The following SLAIN2 variants were observed in gnomAD, a reference collection of about 807,000 sequenced individuals.
SLAIN2 encodes SLAIN motif-containing protein 2.
Under a neutral mutation model 56.6 loss-of-function variants are expected in SLAIN2, and 31 were observed. The observed-to-expected ratio is 0.55, with a 90% CI of 0.41 to 0.74. The LOEUF is 0.74. Ranked by LOEUF, SLAIN2 falls within the 30% of genes least tolerant of loss-of-function variation. The probability of loss-of-function intolerance (pLI) is 0.00; values close to 1 mark genes in which losing one functional copy is unlikely to be tolerated. For missense variants in SLAIN2, 777 were observed against 754.2 expected (o/e 1.03, Z -0.35); for synonymous variants, 317 against 284.9 (o/e 1.11, Z -1.13).
At chr4:48,379,666 T>G in intron 3 of SLAIN2, 24 bp from the exon 4 acceptor site, 1 of 1,386,660 alleles carries the variant, frequency 7.2e-7, no homozygotes, top group South Asian at 2.0e-5. Context: ...AGAGTTTGAA[T>G]TTTTTTCTTT....
At chr4:48,401,091 T>G (rs1230026489) in intron 6 of SLAIN2, among the ~76,000 whole-genome samples, 1 of 152,190 alleles carries the variant, frequency 6.6e-6, no homozygotes, top group Non-Finnish European at 1.5e-5. Context: ...TTCCATGTAG[T>G]TGTGTGGTTT....
At chr4:48,416,409 T>G in intron 6 of SLAIN2, among the ~76,000 whole-genome samples, 1 of 122,364 alleles carries the variant, frequency 8.2e-6, no homozygotes, top group Non-Finnish European at 1.7e-5. Flanking sequence ...TACATTGATT[T>G]TGTATCCTGA....
In SLAIN2 at chr4:48,414,702, T is replaced by G. The variant is rs1374125719; in HGVS notation, c.1361-5423T>G. Among the ~76,000 whole-genome samples, 3 of 107,236 alleles carry G rather than the reference T, an allele frequency of 2.8e-5. No homozygotes were observed. The Admixed American group carries it at 3.0e-4, about 11-fold the overall frequency. The allele number at this position is 107,236 out of a possible 152,430, so 70.4% of individuals were successfully genotyped here. On this transcript the variant is annotated intron_variant, in intron 6 of 7. Coordinates refer to ENST00000264313, the MANE Select transcript of SLAIN2 (RefSeq NM_020846.2). ...TAGGTATATCTCCCAATGCTATCCCTCCCCCCTCCCCCGACCCCACCACAG... is the reference window on the plus strand; with the variant it reads ...TAGGTATATCTCCCAATGCTATCCCGCCCCCCTCCCCCGACCCCACCACAG...
intron 6 of SLAIN2, among the ~76,000 whole-genome samples, chr4:48,407,872 CT>C (rs1716741163): frequency 6.6e-6 from 1 of 152,204 alleles, no homozygotes; most frequent in African/African-American, 2.4e-5. Flanking sequence ...CTTCCAGCCC[CT>C]GGCACCCACT....
intron 6 of SLAIN2, chr4:48,394,562 T>G (rs1408662979): frequency 6.5e-7 from 1 of 1,535,016 alleles, no homozygotes; most frequent in Non-Finnish European, 8.7e-7. Flanking sequence ...TTACAGTTCC[T>G]TATTTTTCAA....
At chr4:48,345,042 T>C (rs1448520865) in intron 1 of SLAIN2, among the ~76,000 whole-genome samples, 1 of 152,212 alleles carries the variant, frequency 6.6e-6, no homozygotes, top group East Asian at 1.9e-4. Context: ...CCTCTAATTT[T>C]ATACATTTAT....
chr4:48,384,241 C>T (rs1716044182), intron 6 of SLAIN2, among the ~76,000 whole-genome samples: 1 of 152,100 alleles, frequency 6.6e-6, no homozygotes, highest in African/African-American at 2.4e-5. Flanking sequence ...ATTGTTCAAA[C>T]CTGCAATATA....
intron 1 of SLAIN2, among the ~76,000 whole-genome samples, chr4:48,345,465 C>T (rs1171833350): frequency 6.6e-6 from 1 of 151,970 alleles, no homozygotes; most frequent in Non-Finnish European, 1.5e-5. Flanking sequence ...GATATTTGGT[C>T]AGATGGAGAG....
intron 1 of SLAIN2, among the ~76,000 whole-genome samples, chr4:48,364,055 C>T (rs1249429208): frequency 5.8e-5 from 5 of 86,278 alleles, no homozygotes; most frequent in South Asian, 5.8e-4. Flanking sequence ...GGCTGCCGGG[C>T]GGAGAGGCTC....
intron 6 of SLAIN2, among the ~76,000 whole-genome samples, chr4:48,395,942 A>G (rs762041591): frequency 3.3e-4 from 50 of 151,734 alleles, no homozygotes; most frequent in Admixed American, 3.9e-4. Context: ...CTATACCATA[A>G]TAAAAGAGTA....
intron 6 of SLAIN2, among the ~76,000 whole-genome samples, chr4:48,419,034 G>C (rs1717075211): frequency 6.6e-6 from 1 of 151,734 alleles, no homozygotes; most frequent in Admixed American, 6.6e-5. Flanking sequence ...ATGGACATTT[G>C]AGCTTTTTTC....
At chr4:48,372,025 C>CAT (rs1715682720) in intron 2 of SLAIN2, among the ~76,000 whole-genome samples, 1 of 146,660 alleles carries the variant, frequency 6.8e-6, no homozygotes, top group African/African-American at 2.6e-5. Flanking sequence ...TACATATATA[C>CAT]ACATATATAT....
intron 6 of SLAIN2, 73 bp downstream of exon 6, chr4:48,383,857 G>A (rs377667950): frequency 6.7e-7 from 1 of 1,484,686 alleles, no homozygotes; most frequent in African/African-American, 1.4e-5. Context: ...TTTGTTTTAT[G>A]CTGAAAAACC....
At chr4:48,409,012 A>C (rs1294742167) in intron 6 of SLAIN2, among the ~76,000 whole-genome samples, 4 of 152,176 alleles carry the variant, frequency 2.6e-5, no homozygotes, top group Admixed American at 2.6e-4. Context: ...AGCATGCTGT[A>C]TTGGTTTGTA....
chr4:48,364,878 G>T (rs1441197932), intron 1 of SLAIN2, among the ~76,000 whole-genome samples: 1 of 131,264 alleles, frequency 7.6e-6, no homozygotes, highest in Non-Finnish European at 1.7e-5. Context: ...GGGAGAGGGA[G>T]GGGGAGGGGG....
intron 6 of SLAIN2, among the ~76,000 whole-genome samples, chr4:48,394,877 A>G (rs1441227219): frequency 6.6e-6 from 1 of 152,230 alleles, no homozygotes; most frequent in Non-Finnish European, 1.5e-5. Context: ...TAAATGATAT[A>G]TAGAGAATAT....
At position 48,341,619 on chromosome 4, in the gene SLAIN2, T is replaced by C; in HGVS notation, c.-121T>C. 1 of 1,403,256 alleles carries C rather than the reference T, an allele frequency of 7.1e-7. No homozygotes were observed. Among genetic ancestry groups the C allele is most frequent in the Non-Finnish European group, 9.3e-7 (1 of 1,071,218 alleles). The allele number at this position is 1,403,256 out of a possible 1,614,324, so 86.9% of individuals were successfully genotyped here. A position where few individuals can be genotyped will look rare whatever the true frequency, so the allele number is the denominator to read the frequency against. ...GGGGGACCCTGGCGGTGGGGCCTGG[T>C]CCTGCTATATGCCGGCGCCTCGGCT... On this transcript the variant is annotated 5_prime_UTR_variant, in exon 1 of 8. Transcript: ENST00000264313.
At chr4:48,409,597 C>T (rs1253559534) in intron 6 of SLAIN2, among the ~76,000 whole-genome samples, 1 of 152,144 alleles carries the variant, frequency 6.6e-6, no homozygotes, top group Non-Finnish European at 1.5e-5. Flanking sequence ...TGTGAATAAT[C>T]CTGTGGTCAG....
intron 6 of SLAIN2, among the ~76,000 whole-genome samples, chr4:48,413,075 C>A (rs1326287611): frequency 1.3e-5 from 2 of 151,734 alleles, no homozygotes; most frequent in African/African-American, 4.8e-5. Flanking sequence ...CAAAAAAAAA[C>A]AAATTATCCA....
Sources: allele counts gnomAD v4.1 joint callset (sites outside exome capture counted in the v4.1 genomes callset), GRCh38; gene constraint gnomAD v4.1.1; transcripts MANE v1.5; gene names NCBI Gene and HGNC (gene_info 2026-07-23, HGNC 2026-07-21).